Variants in ALMS1 observed in about 807,000 individuals in gnomAD.
ALMS1 encodes the protein centrosome-associated protein ALMS1.
ALMS1 carries 271 observed loss-of-function variants against 352.2 expected under a neutral mutation model. The ratio of observed to expected loss-of-function variants is 0.77; its 90% CI spans 0.70 to 0.85. ALMS1 has a LOEUF of 0.85. Among genes scored for constraint, ALMS1 ranks in the 40% least tolerant of loss-of-function variants. The probability of loss-of-function intolerance (pLI) is 0.00; values close to 1 mark genes in which losing one functional copy is unlikely to be tolerated. For synonymous variants in ALMS1, 1,865 were observed against 1,761.2 expected, an observed-to-expected ratio of 1.06 and a Z score of -1.48; for missense variants, 5,445 against 4,870.7, an observed-to-expected ratio of 1.12 and a Z score of -3.51.
rs28730850 is a variant in ALMS1, at chr2:73,448,526, A to G, written c.1999A>G (p.Thr667Ala). Reference protein sequence around the residue: ...QKTGIPTVSSTSHSHVEDLLF... With the variant: ...QKTGIPTVSSASHSHVEDLLF... ...GACGGGAATACCTACAGTATCCTCT[A>G]CATCCCACTCACATGTAGAGGACCT... is the stretch of plus-strand genomic sequence containing the variant. The change falls in exon 8 of 23, where the codon ACA (threonine) becomes GCA (alanine). Residue 667 changes from threonine (T) to alanine (A), a missense_variant. Coordinates refer to ENST00000613296, the MANE Select transcript of ALMS1 (RefSeq NM_001378454.1). 7 of 1,613,932 alleles carry G rather than the reference A, an allele frequency of 4.3e-6. No individual in the cohort carries two copies. The highest frequency in any genetic ancestry group is 1.7e-4 in the Middle Eastern group (1 of 6,058).
Position 73,491,280 on chromosome 2 carries a change from A to G in ALMS1, c.9321A>G (p.Val3107=), listed in dbSNP as rs371108940. Reference sequence around the variant, plus strand: ...CCAAATTATTGACCAGTAAACCTGTAGCACAGGATCAAGAATCTTTAGGTT... The same window carrying G: ...CCAAATTATTGACCAGTAAACCTGTGGCACAGGATCAAGAATCTTTAGGTT... ...PTSKLLTSKP[V]AQDQESLGFL... Residue 3107 remains valine (V), a synonymous_variant, in exon 10 of 23, where the codon GTA becomes GTG. Coordinates refer to ENST00000613296, the MANE Select transcript of ALMS1 (RefSeq NM_001378454.1). 3.7e-5 allele frequency: 60 copies of G among 1,614,074 alleles called. No homozygotes were observed. Among genetic ancestry groups the G allele is most frequent in the Non-Finnish European group, 4.8e-5 (57 of 1,180,036 alleles).
chr2:73,572,864 T>C lies in ALMS1; in HGVS notation c.10987T>C (p.Trp3663Arg), dbSNP rs748921342. 6.2e-7 allele frequency: 1 copy of C among 1,613,954 alleles called. No homozygotes were observed. The highest frequency in any genetic ancestry group is 8.5e-7 in the Non-Finnish European group (1 of 1,179,958). The change falls in exon 16 of 23, where the codon TGG (tryptophan) becomes CGG (arginine). Residue 3663 changes from tryptophan (W) to arginine (R), a missense_variant. By Grantham distance (101) the Trp-to-Arg change is moderately radical (BLOSUM62 -3). Coordinates refer to ENST00000613296, the MANE Select transcript of ALMS1 (RefSeq NM_001378454.1). ...CAGAGGGGAACGAAGTGTGAAGGAATGGAGTGGTAGACAACAGCAGAGAAA... is the reference window on the plus strand; with the variant it reads ...CAGAGGGGAACGAAGTGTGAAGGAACGGAGTGGTAGACAACAGCAGAGAAA... Reference protein sequence around the residue: ...DSRGERSVKEWSGRQQQRNKL... With the variant: ...DSRGERSVKERSGRQQQRNKL...
intron 12 of ALMS1, among the ~76,000 whole-genome samples, chr2:73,540,175 A>C (rs1332692617): frequency 6.6e-6 from 1 of 152,252 alleles, no homozygotes; most frequent in South Asian, 2.1e-4. Flanking sequence ...CTGATCTCTC[A>C]GCAGAAACTC....
intron 16 of ALMS1, among the ~76,000 whole-genome samples, chr2:73,582,153 A>G (rs114459319): frequency 0.024 from 3,592 of 152,250 alleles, 135 homozygotes; most frequent in Admixed American, 0.09. Context: ...CTTTTGAGTC[A>G]CTTTACTCAA....
chr2:73,419,616 T>C (rs1209420339), intron 3 of ALMS1, among the ~76,000 whole-genome samples: 1 of 152,168 alleles, frequency 6.6e-6, no homozygotes, highest in East Asian at 1.9e-4. Context: ...GTTTTTGGGA[T>C]GAATAGTATA....
chr2:73,564,914 A>G (rs1674772129), intron 15 of ALMS1, among the ~76,000 whole-genome samples: 1 of 152,246 alleles, frequency 6.6e-6, no homozygotes, highest in Non-Finnish European at 1.5e-5. Context: ...ACAGATTTAC[A>G]GTCATTAATT....
intron 1 of ALMS1, 136 bp downstream of exon 1, chr2:73,386,328 A>T: frequency 1.6e-6 from 2 of 1,243,982 alleles, no homozygotes; most frequent in South Asian, 3.3e-5. Flanking sequence ...GGCGGCCCAG[A>T]CTCCAGCCCA....
intron 9 of ALMS1, among the ~76,000 whole-genome samples, chr2:73,485,253 G>C (rs1196020437): frequency 5.9e-5 from 9 of 152,144 alleles, no homozygotes; most frequent in Admixed American, 5.9e-4. Flanking sequence ...ATGGGTTTTT[G>C]GTGTGGATGT....
intron 10 of ALMS1, among the ~76,000 whole-genome samples, chr2:73,506,408 C>T (rs142579560): frequency 0.019 from 2,940 of 152,262 alleles, 112 homozygotes; most frequent in African/African-American, 0.065. Context: ...ATTGATTCTT[C>T]CTATCCATGA....
At chr2:73,566,630 A>G (rs1674806426) in intron 15 of ALMS1, among the ~76,000 whole-genome samples, 1 of 152,244 alleles carries the variant, frequency 6.6e-6, no homozygotes, top group Non-Finnish European at 1.5e-5. Flanking sequence ...TACTGTATTC[A>G]CACCTAATGT....
chr2:73,585,750 C>T (rs1296426313), intron 16 of ALMS1, among the ~76,000 whole-genome samples: 4 of 109,764 alleles, frequency 3.6e-5, no homozygotes, highest in South Asian at 3.2e-4. Context: ...TTCCCCGAGA[C>T]GGAGTCTCGC....
intron 21 of ALMS1, among the ~76,000 whole-genome samples, chr2:73,606,046 A>G (rs961244083): frequency 1.3e-5 from 2 of 152,192 alleles, no homozygotes; most frequent in African/African-American, 2.4e-5. Flanking sequence ...AGAAGCAGAT[A>G]CAAGTCCAGC....
intron 16 of ALMS1, among the ~76,000 whole-genome samples, chr2:73,584,179 C>T (rs1675259686): frequency 6.6e-6 from 1 of 152,150 alleles, no homozygotes; most frequent in African/African-American, 2.4e-5. Context: ...GATTTTACTT[C>T]TTCCCACCTA....
At chr2:73,482,476 T>C (rs1049562876) in intron 9 of ALMS1, among the ~76,000 whole-genome samples, 1 of 152,258 alleles carries the variant, frequency 6.6e-6, no homozygotes, top group African/African-American at 2.4e-5. Context: ...TGGATTCAGT[T>C]TGCCAGTATT....
At chr2:73,466,562 A>T (rs1356185456) in intron 9 of ALMS1, among the ~76,000 whole-genome samples, 1 of 151,982 alleles carries the variant, frequency 6.6e-6, no homozygotes, top group African/African-American at 2.4e-5. Context: ...TAATGGGTGC[A>T]GCACACCAAC....
At chr2:73,466,276 C>G (rs1281716201) in intron 9 of ALMS1, among the ~76,000 whole-genome samples, 3 of 152,104 alleles carry the variant, frequency 2.0e-5, no homozygotes, top group Admixed American at 6.5e-5. Context: ...AAATGTGGCA[C>G]ATATACACCA....
At chr2:73,516,893 G>A (rs1673568799) in intron 10 of ALMS1, among the ~76,000 whole-genome samples, 2 of 152,060 alleles carry the variant, frequency 1.3e-5, no homozygotes. Context: ...TAAGCCCCCT[G>A]CCTTAAGCAG....
chr2:73,538,647 G>T (rs1040078025), intron 12 of ALMS1, among the ~76,000 whole-genome samples: 3 of 152,190 alleles, frequency 2.0e-5, no homozygotes, highest in Admixed American at 6.5e-5. Context: ...AAGGAAAGGA[G>T]TGACAGAAGG....
chr2:73,529,816 A>G (rs1396679335), intron 11 of ALMS1, among the ~76,000 whole-genome samples: 2 of 152,194 alleles, frequency 1.3e-5, no homozygotes, highest in Admixed American at 6.5e-5. Flanking sequence ...GAAACTTACA[A>G]TCATGGCAGA....
Sources: allele counts gnomAD v4.1 joint callset (sites outside exome capture counted in the v4.1 genomes callset), GRCh38; gene constraint gnomAD v4.1.1; transcripts MANE v1.5; gene names NCBI Gene and HGNC (gene_info 2026-07-23, HGNC 2026-07-21).